The following CRB1 variants were observed in gnomAD, a reference collection of about 807,000 sequenced individuals.
CRB1 encodes protein crumbs homolog 1.
In CRB1, 83 loss-of-function variants were observed where a neutral mutation model predicts 120.0. That is an observed-to-expected ratio of 0.69 (90% CI 0.58 to 0.83). The LOEUF (loss-of-function observed/expected upper bound fraction) is 0.83. Ranked by LOEUF, CRB1 falls within the 40% of genes least tolerant of loss-of-function variation. The pLI is 0.00. For synonymous variants in CRB1, 625 were observed against 612.5 expected, an observed-to-expected ratio of 1.02 and a Z score of -0.30; for missense variants, 1,699 against 1,687.6, an observed-to-expected ratio of 1.01 and a Z score of -0.12.
At chr1:197,205,025 T>C in the CRB1 span, among the ~76,000 whole-genome samples, 1 of 152,208 alleles carries the variant, frequency 6.6e-6, no homozygotes, top group Non-Finnish European at 1.5e-5. Context: ...TTGCAGCTAT[T>C]GTAAAAGGGT....
At chr1:197,236,077 C>T in the CRB1 span, among the ~76,000 whole-genome samples, 599 of 151,942 alleles carry the variant, frequency 3.9e-3, 4 homozygotes, top group African/African-American at 0.014. Flanking sequence ...GGCTCCAGTA[C>T]AAACACATTT....
chr1:197,367,328 G>A (rs906600285), intron 5 of CRB1, among the ~76,000 whole-genome samples: 1 of 152,102 alleles, frequency 6.6e-6, no homozygotes. Flanking sequence ...TGCGCAAAGT[G>A]TAAGACAATA....
chr1:197,234,317 T>TCTCTTGTATAGC, the CRB1 span, among the ~76,000 whole-genome samples: 1 of 152,180 alleles, frequency 6.6e-6, no homozygotes, highest in Non-Finnish European at 1.5e-5. Flanking sequence ...CTGACTCTTC[T>TCTCTTGTATAGC]CTCTTGTATA....
chr1:197,471,690 G>T (rs1465092168), intron 11 of CRB1, among the ~76,000 whole-genome samples: 2 of 152,122 alleles, frequency 1.3e-5, no homozygotes, highest in African/African-American at 4.8e-5. Context: ...TTCCCCTTAT[G>T]ACTGTAAAGT....
chr1:197,430,055 A>G (rs1401463022), intron 8 of CRB1, among the ~76,000 whole-genome samples: 1 of 152,156 alleles, frequency 6.6e-6, no homozygotes, highest in Non-Finnish European at 1.5e-5. Flanking sequence ...TTTCTTTGTG[A>G]TGATTCTATG....
chr1:197,436,762 A>G (rs1289518850), intron 9 of CRB1, among the ~76,000 whole-genome samples: 1 of 152,156 alleles, frequency 6.6e-6, no homozygotes, highest in Non-Finnish European at 1.5e-5. Context: ...TTGACGAACA[A>G]GATTTTCATA....
chr1:197,328,380 T>G, intron 1 of CRB1, 42 bp from the exon 2 acceptor site: 1 of 1,496,910 alleles, frequency 6.7e-7, no homozygotes. Flanking sequence ...AACTTTGTCC[T>G]CATTTATAAA....
At chr1:197,252,274 T>G in the CRB1 span, among the ~76,000 whole-genome samples, 1 of 151,556 alleles carries the variant, frequency 6.6e-6, no homozygotes, top group Non-Finnish European at 1.5e-5. Flanking sequence ...TATTTGATTT[T>G]TTTAACCATT....
At chr1:197,352,756 TC>T (rs1376344280) in intron 4 of CRB1, among the ~76,000 whole-genome samples, 1 of 151,656 alleles carries the variant, frequency 6.6e-6, no homozygotes, top group African/African-American at 2.4e-5. Flanking sequence ...GCCCCAAGGG[TC>T]TTTTTGTAAA....
chr1:197,457,547 A>G (rs1057364236), intron 11 of CRB1, among the ~76,000 whole-genome samples: 18 of 152,116 alleles, frequency 1.2e-4, no homozygotes, highest in African/African-American at 4.1e-4. Context: ...TGTCTTGTTT[A>G]TCTTTATAAC....
At chr1:197,435,977 T>C (rs894481751) in intron 9 of CRB1, among the ~76,000 whole-genome samples, 20 of 152,154 alleles carry the variant, frequency 1.3e-4, no homozygotes, top group Admixed American at 3.9e-4. Flanking sequence ...GCATGACTTC[T>C]ATTGCTAAAA....
chr1:197,276,222 C>T (rs911811180), intron 1 of CRB1, among the ~76,000 whole-genome samples: 4 of 151,736 alleles, frequency 2.6e-5, no homozygotes, highest in African/African-American at 9.7e-5. Flanking sequence ...ACTGCTGTAT[C>T]CCGTACATGT....
intron 1 of CRB1, among the ~76,000 whole-genome samples, chr1:197,272,104 A>G (rs975207196): frequency 2.0e-5 from 3 of 152,142 alleles, no homozygotes; most frequent in African/African-American, 4.8e-5. Flanking sequence ...AGATTAAATA[A>G]GAAATAATTG....
rs968499207 is a variant in CRB1 at position 197,435,515 on chromosome 1, T to A, written c.3652T>A (p.Cys1218Ser). Reference protein sequence around the residue: ...GVNCEVDIDNCQSHQCANGAT... With the variant: ...GVNCEVDIDNSQSHQCANGAT... Reference sequence around the variant, plus strand: ...GAACTGTGAAGTGGATATAGACAACTGCCAGAGTCACCAGTGTGCAAATGG... The same window carrying A: ...GAACTGTGAAGTGGATATAGACAACAGCCAGAGTCACCAGTGTGCAAATGG... Residue 1218 changes from cysteine (C) to serine (S), a missense_variant, in exon 9 of 12, where the codon TGC becomes AGC. Transcript: ENST00000367400. The A allele has an allele frequency of 6.2e-7, 1 of 1,612,142 alleles. No homozygotes were observed. The highest frequency in any genetic ancestry group is 8.5e-7 in the Non-Finnish European group (1 of 1,179,140).
At chr1:197,405,003 T>C (rs1461813008) in intron 5 of CRB1, among the ~76,000 whole-genome samples, 1 of 152,156 alleles carries the variant, frequency 6.6e-6, no homozygotes, top group African/African-American at 2.4e-5. Flanking sequence ...ACACCATACC[T>C]ACGCAATAGC....
chr1:197,299,705 TA>T (rs1164035802), intron 1 of CRB1, among the ~76,000 whole-genome samples: 2 of 152,196 alleles, frequency 1.3e-5, no homozygotes, highest in African/African-American at 4.8e-5. Context: ...TATGTGCAAC[TA>T]CATGCATAAA....
chr1:197,388,084 C>T (rs1039601252), intron 5 of CRB1, among the ~76,000 whole-genome samples: 2 of 151,970 alleles, frequency 1.3e-5, no homozygotes, highest in Admixed American at 6.6e-5. Context: ...CCATAATATT[C>T]CTCCTTATGG....
At chr1:197,392,958 C>G (rs748489597) in intron 5 of CRB1, among the ~76,000 whole-genome samples, 2 of 151,858 alleles carry the variant, frequency 1.3e-5, no homozygotes, top group Non-Finnish European at 2.9e-5. Flanking sequence ...GAAGTAATAT[C>G]CAGGGAAAAG....
intron 5 of CRB1, among the ~76,000 whole-genome samples, chr1:197,410,660 A>G (rs1283838050): frequency 2.6e-5 from 4 of 152,098 alleles, no homozygotes; most frequent in Non-Finnish European, 5.9e-5. Context: ...GAAAATGTCA[A>G]CTCTTATATT....
Sources: allele counts gnomAD v4.1 joint callset (sites outside exome capture counted in the v4.1 genomes callset), GRCh38; gene constraint gnomAD v4.1.1; transcripts MANE v1.5; gene names NCBI Gene and HGNC (gene_info 2026-07-23, HGNC 2026-07-21).